E2F8: variants seen among roughly 807,000 people sequenced by gnomAD.
E2F8 encodes transcription factor E2F8.
Under a neutral mutation model 80.8 loss-of-function variants are expected in E2F8, and 35 were observed. The observed-to-expected ratio is 0.43, with a 90% CI of 0.33 to 0.57. The LOEUF is 0.57. Ranked by LOEUF, E2F8 falls within the 20% of genes least tolerant of loss-of-function variation. The pLI, the probability that E2F8 is intolerant of heterozygous loss-of-function variation, is 0.04. For missense variants in E2F8, 975 were observed against 1,056.2 expected (o/e 0.92, Z 1.07); for synonymous variants, 386 against 395.0 (o/e 0.98, Z 0.27).
chr11:19,236,966 T>C (rs1291056767), intron 4 of E2F8, among the ~76,000 whole-genome samples: 1 of 151,892 alleles, frequency 6.6e-6, no homozygotes. Context: ...TAACCATTTA[T>C]CAGCCTGATT....
intron 3 of E2F8, 53 bp downstream of exon 3, chr11:19,237,801 C>A (rs1434749585): frequency 1.9e-6 from 3 of 1,560,202 alleles, no homozygotes; most frequent in Non-Finnish European, 2.6e-6. Flanking sequence ...CTACAACCTC[C>A]CCCCTCCCCC....
chr11:19,225,736 A>G lies in E2F8; in HGVS notation c.2022T>C (p.Ile674=). The G allele has an allele frequency of 6.2e-7, 1 of 1,614,198 alleles. No homozygotes were observed. The highest frequency in any genetic ancestry group is 8.5e-7 in the Non-Finnish European group (1 of 1,180,028). ...SPNHRIYSSP[I]AGVIPVTSSE... The stretch of plus-strand genomic sequence containing the variant: ...TAGTGTTTTATGTGCACTCACCTGC[A>G]ATTGGGGAGCTGTAAATCCTGTGGT... Residue 674 remains isoleucine (I), a synonymous_variant, in exon 11 of 13, where the codon ATT becomes ATC. Coordinates refer to ENST00000250024, the MANE Select transcript of E2F8 (RefSeq NM_024680.4).
chr11:19,239,472 A>G (rs963881422), intron 2 of E2F8, among the ~76,000 whole-genome samples: 2 of 152,144 alleles, frequency 1.3e-5, no homozygotes, highest in African/African-American at 4.8e-5. Context: ...TTTTAAACCT[A>G]TTAGTAGTTG....
rs199935572 is a variant in E2F8 at position 19,234,759 on chromosome 11, C to T, written c.751G>A (p.Val251Met). The change falls in exon 5 of 13, where the codon GTG (valine) becomes ATG (methionine). Residue 251 changes from valine (V) to methionine (M), a missense_variant. Physicochemically the swap from Val to Met is conservative, Grantham distance 21 (BLOSUM62 1). Transcript: ENST00000250024. ...CATCTCTCACCTGCCCGAAATTCCA[C>T]TCCAGGGAGTTCCACAAAACACATG... ...PDMCFVELPG[V>M]EFRAASVNSR... is the part of the protein sequence containing the mutation. 471 of 1,611,888 alleles carry T rather than the reference C, an allele frequency of 2.9e-4. 1 individual carries two copies. The highest frequency in any genetic ancestry group is 1.6e-3 in the Middle Eastern group (10 of 6,070).
In E2F8 at chr11:19,224,821, T is replaced by C. The variant is rs771707975; in HGVS notation, c.2441A>G (p.Lys814Arg). Reference protein sequence around the residue: ...GAQQPVPVTPKGSQLVAESFF... With the variant: ...GAQQPVPVTPRGSQLVAESFF... ...ACTTTCGGCCACTAATTGTGACCCTTTGGGTGTCACAGGAACAGGCTGATT... is the reference window on the plus strand; with the variant it reads ...ACTTTCGGCCACTAATTGTGACCCTCTGGGTGTCACAGGAACAGGCTGATT... The change falls in exon 13 of 13, where the codon AAA becomes AGA. Residue 814 changes from lysine to arginine, a missense_variant. Coordinates refer to ENST00000250024, the MANE Select transcript of E2F8 (RefSeq NM_024680.4). 5.6e-6 allele frequency: 9 copies of C among 1,614,138 alleles called. No homozygotes were observed. The South Asian group carries it at 6.6e-5, about 12-fold the overall frequency.
intron 3 of E2F8, 140 bp downstream of exon 3, chr11:19,237,714 C>T: frequency 8.2e-7 from 1 of 1,221,158 alleles, no homozygotes; most frequent in Non-Finnish European, 1.1e-6. Context: ...GGGGTCCAAA[C>T]CTTTCTGGTG....
chr11:19,237,306 A>G lies in E2F8; in HGVS notation c.451+8T>C. Reference sequence around the variant, plus strand: ...TTAATTCTTTCAGTGAGTTCTTTGCATACTTACTAAGTTCCTCTGCCACTT... The same window carrying G: ...TTAATTCTTTCAGTGAGTTCTTTGCGTACTTACTAAGTTCCTCTGCCACTT... On this transcript the variant is annotated splice_region_variant and intron_variant, in intron 4 of 12. Coordinates refer to ENST00000250024, the MANE Select transcript of E2F8 (RefSeq NM_024680.4). 1 of 1,613,858 alleles carries G rather than the reference A, an allele frequency of 6.2e-7. No homozygotes were observed. Among genetic ancestry groups the G allele is most frequent in the Non-Finnish European group, 8.5e-7 (1 of 1,179,880 alleles).
intron 10 of E2F8, 64 bp from the exon 11 acceptor site, chr11:19,225,928 C>T: frequency 1.3e-6 from 2 of 1,558,884 alleles, no homozygotes; most frequent in Non-Finnish European, 1.7e-6. Flanking sequence ...GGCCACGTGC[C>T]TCTTTCAGGA....
chr11:19,232,464 T>TA, intron 6 of E2F8, 93 bp from the exon 7 acceptor site: 2 of 1,062,564 alleles, frequency 1.9e-6, no homozygotes, highest in Non-Finnish European at 2.7e-6. Flanking sequence ...CTAAGAGCTG[T>TA]CTTAACCATC....
chr11:19,233,424 G>T (rs942332110), intron 6 of E2F8, among the ~76,000 whole-genome samples: 1 of 152,222 alleles, frequency 6.6e-6, no homozygotes, highest in Non-Finnish European at 1.5e-5. Flanking sequence ...AGTGGAAGGA[G>T]ACCAGGGTGC....
chr11:19,226,032 C>T (rs749676546), intron 10 of E2F8, 168 bp from the exon 11 acceptor site: 13 of 696,818 alleles, frequency 1.9e-5, no homozygotes, highest in Non-Finnish European at 2.9e-5. Context: ...GGAGAATACC[C>T]TCCCACCCTT....
Position 19,224,812 on chromosome 11 carries a change from T to G in E2F8, c.2450A>C (p.Gln817Pro). ...ACGGAAGAAACTTTCGGCCACTAAT[T>G]GTGACCCTTTGGGTGTCACAGGAAC... The part of the protein sequence containing the change: ...QPVPVTPKGS[Q>P]LVAESFFRTP... Residue 817 changes from glutamine (Q) to proline (P), a missense_variant, in exon 13 of 13, where the codon CAA becomes CCA. Transcript: ENST00000250024. The G allele has an allele frequency of 1.2e-6, 2 of 1,614,196 alleles. No homozygotes were observed. Among genetic ancestry groups the G allele is most frequent in the Non-Finnish European group, 1.7e-6 (2 of 1,180,036 alleles).
At chr11:19,232,854 T>C (rs916549918) in intron 6 of E2F8, among the ~76,000 whole-genome samples, 1 of 152,248 alleles carries the variant, frequency 6.6e-6, no homozygotes, top group Admixed American at 6.5e-5. Context: ...AATTTTTTAA[T>C]ACTGTCTATG....
rs747630290 is a variant in E2F8, at chr11:19,225,402, T to C, written c.2240A>G (p.Asn747Ser). The change falls in exon 12 of 13, where the codon AAT becomes AGT. Residue 747 changes from asparagine (N) to serine (S), a missense_variant. By Grantham distance (46) the Asn-to-Ser change is conservative. Coordinates refer to ENST00000250024, the MANE Select transcript of E2F8 (RefSeq NM_024680.4). Reference sequence around the variant, plus strand: ...CCCAGGGCTGGCAGACAACTGCACATTGGGTGAGATGAGTCCCAGGTGCTG... The same window carrying C: ...CCCAGGGCTGGCAGACAACTGCACACTGGGTGAGATGAGTCCCAGGTGCTG... ...TLQHLGLISP[N>S]VQLSASPGSG... 5.7e-5 allele frequency: 92 copies of C among 1,613,982 alleles called. No homozygotes were observed. The highest frequency in any genetic ancestry group is 7.1e-5 in the Non-Finnish European group (84 of 1,180,028).
rs1565070851 is a variant in E2F8, at chr11:19,234,732, A to G, written c.766+12T>C. 6 of 1,599,502 alleles carry G rather than the reference A, an allele frequency of 3.8e-6. No homozygotes were observed. Among genetic ancestry groups the G allele is most frequent in the Non-Finnish European group, 5.1e-6 (6 of 1,172,328 alleles). On this transcript the variant is annotated intron_variant, in intron 5 of 12. Coordinates refer to ENST00000250024, the MANE Select transcript of E2F8 (RefSeq NM_024680.4). ...TGCCATGCCGCCTGGAGTTTTCACT[A>G]CCATCTCTCACCTGCCCGAAATTCC...
At chr11:19,232,467 T>TTAGCTATATCATAC in intron 6 of E2F8, 96 bp from the exon 7 acceptor site, 1 of 1,010,682 alleles carries the variant, frequency 9.9e-7, no homozygotes, top group Non-Finnish European at 1.4e-6. Context: ...AGAGCTGTCT[T>TTAGCTATATCATAC]AACCATCAAT....
At chr11:19,225,109 T>G in intron 12 of E2F8, 112 bp downstream of exon 12, 10 of 1,453,692 alleles carry the variant, frequency 6.9e-6, no homozygotes, top group Non-Finnish European at 9.2e-6. Flanking sequence ...TCTCCTGACT[T>G]TCCCATCCTT....
rs1323588890 is a variant in E2F8 at position 19,224,427 on chromosome 11, A to G, written c.*231T>C. 1.5e-5 allele frequency: 6 copies of G among 398,734 alleles called. No homozygotes were observed. Among genetic ancestry groups the G allele is most frequent in the Non-Finnish European group, 2.6e-5 (6 of 227,388 alleles). 24.7% of individuals were successfully genotyped at this position (398,734 alleles called of 1,614,324 possible). On this transcript the variant is annotated 3_prime_UTR_variant, in exon 13 of 13. Transcript: ENST00000250024. ...TCTTAGAGTTCAACATTTTACTTTT[A>G]TTTTGTAGGATTGAAAGCTAAACTT...
At chr11:19,239,210 C>T (rs1851598529) in intron 2 of E2F8, among the ~76,000 whole-genome samples, 1 of 152,144 alleles carries the variant, frequency 6.6e-6, no homozygotes, top group Non-Finnish European at 1.5e-5. Flanking sequence ...TCTTAGCTCG[C>T]AGAAGAGAAG....
Sources: allele counts gnomAD v4.1 joint callset (sites outside exome capture counted in the v4.1 genomes callset), GRCh38; gene constraint gnomAD v4.1.1; transcripts MANE v1.5; gene names NCBI Gene and HGNC (gene_info 2026-07-23, HGNC 2026-07-21).